Variants in MTHFD1L observed in about 807,000 individuals in gnomAD.
MTHFD1L encodes monofunctional C1-tetrahydrofolate synthase, mitochondrial.
MTHFD1L carries 81 observed loss-of-function variants against 119.5 expected under a neutral mutation model. That is an observed-to-expected ratio of 0.68 (90% CI 0.57 to 0.82). MTHFD1L has a LOEUF of 0.82. Ranked by LOEUF, MTHFD1L falls within the 40% of genes least tolerant of loss-of-function variation. The pLI is 0.00. For missense variants in MTHFD1L, 1,125 were observed against 1,253.4 expected (o/e 0.90, Z 1.55); for synonymous variants, 430 against 475.2 (o/e 0.90, Z 1.24).
At chr6:150,947,912 G>A (rs377463502) in intron 15 of MTHFD1L, among the ~76,000 whole-genome samples, 4 of 152,146 alleles carry the variant, frequency 2.6e-5, no homozygotes, top group Non-Finnish European at 4.4e-5. Flanking sequence ...TATCTTACTC[G>A]TAGAAGAAAT....
chr6:151,076,684 T>C (rs1194149407), intron 26 of MTHFD1L, among the ~76,000 whole-genome samples: 1 of 148,558 alleles, frequency 6.7e-6, no homozygotes, highest in Non-Finnish European at 1.5e-5. Context: ...CCATACCAAA[T>C]GTTGGCAAGG....
intron 15 of MTHFD1L, among the ~76,000 whole-genome samples, chr6:150,947,460 G>A (rs537085546): frequency 6.6e-6 from 1 of 151,934 alleles, no homozygotes; most frequent in African/African-American, 2.4e-5. Context: ...GGCTTGGTGT[G>A]GTGGCTCACC....
chr6:151,029,289 C>T (rs1055596501), intron 24 of MTHFD1L, among the ~76,000 whole-genome samples: 13 of 151,220 alleles, frequency 8.6e-5, no homozygotes, highest in African/African-American at 1.9e-4. Context: ...GGCGTGGTGG[C>T]GGGAGCCTGT....
At position 150,944,471 on chromosome 6, in the gene MTHFD1L, A is replaced by G; in HGVS notation, c.1441-15A>G. The G allele has an allele frequency of 6.3e-7, 1 of 1,578,470 alleles. No homozygotes were observed. The highest frequency in any genetic ancestry group is 1.1e-5 in the South Asian group (1 of 88,644). Reference sequence around the variant, plus strand: ...TCTGAAAATAAATAAATAGAAAGATATCTTATTTCTCTAGTTCAACCTTCA... The same window carrying G: ...TCTGAAAATAAATAAATAGAAAGATGTCTTATTTCTCTAGTTCAACCTTCA... On this transcript the variant is annotated splice_polypyrimidine_tract_variant and intron_variant, in intron 13 of 27. Transcript: ENST00000367321.
At chr6:150,916,530 T>C (rs1027752737) in intron 8 of MTHFD1L, among the ~76,000 whole-genome samples, 2 of 133,044 alleles carry the variant, frequency 1.5e-5, no homozygotes, top group Non-Finnish European at 3.1e-5. Flanking sequence ...GGTTGCACCA[T>C]GTTGGCCAGG....
At chr6:151,079,747 C>T (rs1432647112) in intron 26 of MTHFD1L, among the ~76,000 whole-genome samples, 7 of 151,710 alleles carry the variant, frequency 4.6e-5, no homozygotes, top group Admixed American at 2.6e-4. Flanking sequence ...CCTCGGCCTC[C>T]CAAAGTGCTG....
chr6:151,015,298 G>A (rs921667208), intron 23 of MTHFD1L, among the ~76,000 whole-genome samples: 2 of 136,592 alleles, frequency 1.5e-5, no homozygotes, highest in African/African-American at 5.6e-5. Flanking sequence ...GAATTTTCTT[G>A]ATAACACCCT....
At chr6:151,072,614 C>A (rs1792062679) in intron 26 of MTHFD1L, among the ~76,000 whole-genome samples, 1 of 151,842 alleles carries the variant, frequency 6.6e-6, no homozygotes, top group Non-Finnish European at 1.5e-5. Context: ...CATGTTGAAA[C>A]CCCGTCTCTA....
At chr6:150,882,066 G>A (rs1049300960) in intron 4 of MTHFD1L, among the ~76,000 whole-genome samples, 1 of 152,204 alleles carries the variant, frequency 6.6e-6, no homozygotes, top group Non-Finnish European at 1.5e-5. Flanking sequence ...AAAATAGACA[G>A]AGAGGACAAA....
At chr6:151,031,224 C>T (rs1434863091) in intron 24 of MTHFD1L, among the ~76,000 whole-genome samples, 1 of 152,224 alleles carries the variant, frequency 6.6e-6, no homozygotes, top group Non-Finnish European at 1.5e-5. Context: ...AAACGACTTC[C>T]TTCTAACGTT....
chr6:151,060,531 G>T (rs1447693512), intron 26 of MTHFD1L, among the ~76,000 whole-genome samples: 1 of 152,212 alleles, frequency 6.6e-6, no homozygotes, highest in Non-Finnish European at 1.5e-5. Flanking sequence ...AGGAGCCAGG[G>T]AGCAGATGCC....
intron 9 of MTHFD1L, among the ~76,000 whole-genome samples, chr6:150,919,798 C>G (rs1437368976): frequency 6.6e-6 from 1 of 152,202 alleles, no homozygotes; most frequent in African/African-American, 2.4e-5. Flanking sequence ...CTCCACCAGG[C>G]CCCACCTCTA....
intron 20 of MTHFD1L, among the ~76,000 whole-genome samples, chr6:151,001,597 G>A (rs924232684): frequency 6.6e-6 from 1 of 152,156 alleles, no homozygotes; most frequent in Non-Finnish European, 1.5e-5. Context: ...GAGAGCTGGT[G>A]CCTGGCTGGG....
At chr6:150,868,519 A>G (rs188482605) in intron 1 of MTHFD1L, among the ~76,000 whole-genome samples, 9 of 151,324 alleles carry the variant, frequency 5.9e-5, no homozygotes, top group Admixed American at 5.9e-4. Context: ...TTGTGTTTTT[A>G]GTAGAGACGG....
At chr6:150,971,876 C>A (rs1313126332) in intron 19 of MTHFD1L, 71 bp from the exon 20 acceptor site, 10 of 1,356,710 alleles carry the variant, frequency 7.4e-6, no homozygotes, top group African/African-American at 1.4e-5. Flanking sequence ...CCCCATTTGC[C>A]CCAAATTGAT....
chr6:150,890,196 G>A (rs1334491907), intron 7 of MTHFD1L, among the ~76,000 whole-genome samples: 2 of 150,770 alleles, frequency 1.3e-5, no homozygotes, highest in African/African-American at 2.4e-5. Context: ...ATGTGTGTGT[G>A]TATATATATA....
intron 20 of MTHFD1L, among the ~76,000 whole-genome samples, chr6:150,994,871 C>T (rs1779610866): frequency 6.6e-6 from 1 of 152,200 alleles, no homozygotes. Flanking sequence ...AGAATGATAT[C>T]TTTGTTGGGG....
intron 24 of MTHFD1L, among the ~76,000 whole-genome samples, chr6:151,024,686 G>A (rs117533380): frequency 0.02 from 3,015 of 152,262 alleles, 57 homozygotes; most frequent in Admixed American, 0.064. Flanking sequence ...AAAATGAGCC[G>A]GGCATCGTGG....
chr6:150,949,138 G>C lies in MTHFD1L; in HGVS notation c.1726+5G>C. On this transcript the variant is annotated splice_donor_5th_base_variant and intron_variant, in intron 16 of 27. Coordinates refer to ENST00000367321, the MANE Select transcript of MTHFD1L (RefSeq NM_015440.5). ...CTACCATCACGTGGCAGAGAGGTGG[G>C]TGCTGGGGAGATGCCAGCAGGCTGA... is the stretch of plus-strand genomic sequence containing the variant. 1 of 1,613,352 alleles carries C rather than the reference G, an allele frequency of 6.2e-7. No homozygotes were observed. Among genetic ancestry groups the C allele is most frequent in the Non-Finnish European group, 8.5e-7 (1 of 1,179,508 alleles).
Sources: gnomAD v4.1 joint callset for allele counts (sites outside exome capture counted in the v4.1 genomes callset) on GRCh38, gnomAD v4.1.1 for gene constraint, MANE v1.5 for transcripts, NCBI Gene and HGNC (gene_info 2026-07-23, HGNC 2026-07-21) for gene names.